LCP1: variants seen among roughly 807,000 people sequenced by gnomAD.
The protein encoded by LCP1 is lymphocyte cytosolic protein 1, also known as plastin-2.
Under a neutral mutation model 72.0 loss-of-function variants are expected in LCP1, and 23 were observed. The ratio of observed to expected loss-of-function variants is 0.32; its 90% confidence interval spans 0.23 to 0.45. The LOEUF is 0.45. LCP1 is among the 20% of genes least tolerant of loss of function. The pLI, the probability that LCP1 is intolerant of heterozygous loss-of-function variation, is 1.00. For missense variants in LCP1, 571 were observed against 748.3 expected, an observed-to-expected ratio of 0.76 and a Z score of 2.76; for synonymous variants, 245 against 275.4, an observed-to-expected ratio of 0.89 and a Z score of 1.09.
chr13:46,129,826 G>A (rs772546692), intron 15 of LCP1, among the ~76,000 whole-genome samples: 3 of 152,200 alleles, frequency 2.0e-5, no homozygotes, highest in Non-Finnish European at 4.4e-5. Context: ...GTTGGAAAGA[G>A]GGTTGCTGCA....
At position 46,151,041 on chromosome 13, in the gene LCP1, C is replaced by T; in HGVS notation, c.777G>A (p.Glu259=). The change falls in exon 8 of 16, where the codon GAG becomes GAA. Residue 259 remains glutamate, a synonymous_variant. Coordinates refer to ENST00000323076, the MANE Select transcript of LCP1 (RefSeq NM_002298.5). ...CTTCAGGGGAGAGTTTCATCAAATC[C>T]TCCAGGCTCTCACCTTCTCTCAAAA... ...IALLREGESL[E]DLMKLSPEEL... is the part of the protein sequence containing the mutation. The T allele has an allele frequency of 6.2e-7, 1 of 1,614,006 alleles. No individual in the cohort carries two copies. Among genetic ancestry groups the T allele is most frequent in the Non-Finnish European group, 8.5e-7 (1 of 1,179,970 alleles).
At chr13:46,178,535 C>T (rs1286389178) in intron 1 of LCP1, among the ~76,000 whole-genome samples, 2 of 152,118 alleles carry the variant, frequency 1.3e-5, no homozygotes, top group Non-Finnish European at 2.9e-5. Flanking sequence ...AAAATGAAGA[C>T]CCTGTAGAAC....
intron 2 of LCP1, 163 bp from the exon 3 acceptor site, chr13:46,159,152 C>T: frequency 3.1e-6 from 2 of 644,350 alleles, no homozygotes; most frequent in South Asian, 1.9e-5. Flanking sequence ...ATGACTGTTG[C>T]TACTGAATAG....
chr13:46,154,772 A>C lies in LCP1; in HGVS notation c.573+33T>G, dbSNP rs895929957. On this transcript the variant is annotated intron_variant, in intron 6 of 15. Coordinates refer to ENST00000323076, the MANE Select transcript of LCP1 (RefSeq NM_002298.5). ...TATGATGCTCATTGATGCCAAACAA[A>C]TCCTGTATTATGGTAACGGTGGGAA... The C allele has an allele frequency of 1.9e-6, 3 of 1,566,200 alleles. No homozygotes were observed. In the African/African-American group the frequency reaches 4.1e-5, roughly 21 times the overall value.
At chr13:46,168,711 T>A (rs368804361) in intron 1 of LCP1, among the ~76,000 whole-genome samples, 1 of 152,198 alleles carries the variant, frequency 6.6e-6, no homozygotes, top group South Asian at 2.1e-4. Flanking sequence ...ACTATTTTGT[T>A]AAAAATATCC....
intron 10 of LCP1, among the ~76,000 whole-genome samples, chr13:46,144,856 G>A (rs1279979963): frequency 3.9e-5 from 6 of 152,154 alleles, no homozygotes; most frequent in Admixed American, 3.9e-4. Flanking sequence ...ACTCACTTAT[G>A]AGGTAGATAT....
At chr13:46,150,740 T>C (rs2045758506) in intron 8 of LCP1, among the ~76,000 whole-genome samples, 196 bp downstream of exon 8, 1 of 152,184 alleles carries the variant, frequency 6.6e-6, no homozygotes. Context: ...GCACTAGGAC[T>C]CTGGGCAGGT....
rs568180752 is a variant in LCP1 at position 46,159,250 on chromosome 13, AC to A, written c.65-262del. ...GTTTCCACAAAGAACTCTTATAGAA[AC>A]TCTTAAGGAAACCACAGGTTTAGTG... is the stretch of plus-strand genomic sequence containing the variant. On this transcript the variant is annotated intron_variant, in intron 2 of 15. Transcript: ENST00000323076. 80 of 518,070 alleles carry A rather than the reference AC, an allele frequency of 1.5e-4. 6 individuals are homozygous for A. The South Asian group carries it at 2.2e-3, about 14-fold the overall frequency. 32.1% of individuals were successfully genotyped at this position (518,070 alleles called of 1,614,324 possible).
intron 13 of LCP1, among the ~76,000 whole-genome samples, chr13:46,139,985 A>G (rs2045687653): frequency 6.6e-6 from 1 of 152,234 alleles, no homozygotes; most frequent in Non-Finnish European, 1.5e-5. Context: ...AGCACAGGAC[A>G]GTGGCCCCTG....
intron 13 of LCP1, among the ~76,000 whole-genome samples, chr13:46,141,359 T>C (rs1384410956): frequency 1.6e-5 from 2 of 122,366 alleles, no homozygotes; most frequent in African/African-American, 6.4e-5. Context: ...TGAGCCAAGA[T>C]CACACTACTG....
At chr13:46,159,802 A>T in intron 1 of LCP1, 116 bp from the exon 2 acceptor site, 2 of 648,682 alleles carry the variant, frequency 3.1e-6, no homozygotes, top group Non-Finnish European at 5.4e-6. Context: ...ATCCCCCATG[A>T]TTTAGAACTA....
intron 15 of LCP1, among the ~76,000 whole-genome samples, chr13:46,130,005 A>G (rs2045623850): frequency 6.6e-6 from 1 of 152,194 alleles, no homozygotes; most frequent in Non-Finnish European, 1.5e-5. Context: ...GGAGGCAGAG[A>G]TTGGCATGGG....
chr13:46,138,362 C>T (rs866290539), intron 13 of LCP1, among the ~76,000 whole-genome samples: 3 of 152,166 alleles, frequency 2.0e-5, no homozygotes, highest in Admixed American at 6.5e-5. Context: ...AAAAAAATCC[C>T]TTCCGGTGCC....
chr13:46,164,483 G>A (rs539128907), intron 1 of LCP1, among the ~76,000 whole-genome samples: 99 of 152,272 alleles, frequency 6.5e-4, no homozygotes, highest in African/African-American at 2.2e-3. Context: ...ATTTTTCTAC[G>A]AGATTTATGA....
chr13:46,139,373 A>G (rs943207680), intron 13 of LCP1, among the ~76,000 whole-genome samples: 3 of 152,258 alleles, frequency 2.0e-5, no homozygotes, highest in African/African-American at 7.2e-5. Flanking sequence ...ACTTCTGATT[A>G]TCCTACCTTA....
At chr13:46,161,698 T>C (rs1291072564) in intron 1 of LCP1, among the ~76,000 whole-genome samples, 1 of 152,146 alleles carries the variant, frequency 6.6e-6, no homozygotes, top group African/African-American at 2.4e-5. Flanking sequence ...ACCAACTAAA[T>C]GATGTAATTG....
At chr13:46,134,017 G>A (rs1295571729) in intron 14 of LCP1, 110 bp downstream of exon 14, 2 of 969,778 alleles carry the variant, frequency 2.1e-6, no homozygotes, top group South Asian at 2.4e-5. Context: ...ATTGAAATGG[G>A]AGGGGGAGCC....
chr13:46,176,875 T>TTGTG lies in LCP1; in HGVS notation c.-25+5232_-25+5235dup, dbSNP rs58990974. ...TGTGTTTCCGTGTATGTGTGTTTAT[T>TTGTG]TGTGTGTGTGTGTGTGTGTGTGTGT... is the stretch of plus-strand genomic sequence containing the variant. On this transcript the variant is annotated intron_variant, in intron 1 of 15. Transcript: ENST00000323076. Among the ~76,000 whole-genome samples, 791 of 143,840 alleles carry TTGTG rather than the reference T, an allele frequency of 5.5e-3. 7 individuals carry two copies. The highest frequency in any genetic ancestry group is 0.018 in the African/African-American group (724 of 40,166). The allele number at this position is 143,840 out of a possible 152,430, so 94.4% of individuals were successfully genotyped here.
rs2045789531 is a variant in LCP1 at position 46,154,696 on chromosome 13, C to T, written c.573+109G>A. On this transcript the variant is annotated intron_variant, in intron 6 of 15. Transcript: ENST00000323076. ...GTATGACAAGTCACCAGCCCAAAGC[C>T]TGGGTTTTGCGAATGATGTCTGAGC... is the stretch of plus-strand genomic sequence containing the variant. The T allele has an allele frequency of 3.6e-6, 3 of 834,654 alleles. No homozygotes were observed. The Admixed American group carries it at 6.1e-5, about 17-fold the overall frequency. 51.7% of individuals were successfully genotyped at this position (834,654 alleles called of 1,614,324 possible).
Sources: gnomAD v4.1 joint callset for allele counts (sites outside exome capture counted in the v4.1 genomes callset) on GRCh38, gnomAD v4.1.1 for gene constraint, MANE v1.5 for transcripts, NCBI Gene and HGNC (gene_info 2026-07-23, HGNC 2026-07-21) for gene names.